The following PTPN21 variants were observed in gnomAD, a reference collection of about 807,000 sequenced individuals.
The protein encoded by PTPN21 is protein tyrosine phosphatase non-receptor type 21, also known as tyrosine-protein phosphatase non-receptor type 21.
A neutral mutation model predicts 131.8 loss-of-function variants in PTPN21; 77 were observed. The observed-to-expected ratio is 0.58, with a 90% CI of 0.49 to 0.71. The LOEUF is 0.71. PTPN21 is among the 30% of genes least tolerant of loss of function. The pLI, the probability that PTPN21 is intolerant of heterozygous loss-of-function variation, is 0.00. For missense variants in PTPN21, 1,552 were observed against 1,527.1 expected (o/e 1.02, Z -0.27); for synonymous variants, 715 against 621.3 (o/e 1.15, Z -2.24).
At chr14:88,531,015 C>A (rs1399417678) in intron 2 of PTPN21, among the ~76,000 whole-genome samples, 1 of 152,050 alleles carries the variant, frequency 6.6e-6, no homozygotes, top group African/African-American at 2.4e-5. Context: ...GGAACATTCT[C>A]CAAGATAGAC....
chr14:88,527,242 A>G (rs1469500802), intron 2 of PTPN21, among the ~76,000 whole-genome samples: 1 of 152,184 alleles, frequency 6.6e-6, no homozygotes, highest in Non-Finnish European at 1.5e-5. Context: ...ATTGTTTTCC[A>G]TAGTGGTTGT....
intron 5 of PTPN21, 39 bp from the exon 6 acceptor site, chr14:88,504,534 C>T: frequency 6.6e-7 from 1 of 1,520,782 alleles, no homozygotes; most frequent in Non-Finnish European, 9.1e-7. Flanking sequence ...TGACAATTCA[C>T]CCCAATTTCT....
chr14:88,505,753 C>T (rs1478301383), intron 4 of PTPN21, among the ~76,000 whole-genome samples: 3 of 152,018 alleles, frequency 2.0e-5, no homozygotes, highest in African/African-American at 7.3e-5. Context: ...ACTTAGACCA[C>T]TTGAATATAT....
intron 10 of PTPN21, among the ~76,000 whole-genome samples, chr14:88,490,153 C>T (rs1291725772): frequency 3.3e-5 from 5 of 151,934 alleles, no homozygotes; most frequent in Admixed American, 1.3e-4. Context: ...GGATTATAGG[C>T]GCCCGCCACC....
chr14:88,547,191 TATAAAA>T (rs900757715), intron 2 of PTPN21, among the ~76,000 whole-genome samples: 7 of 151,686 alleles, frequency 4.6e-5, no homozygotes, highest in African/African-American at 1.7e-4. Context: ...CCACACCTGG[TATAAAA>T]ATAAATAAAC....
chr14:88,488,064 A>G (rs927609722), intron 10 of PTPN21, among the ~76,000 whole-genome samples: 2 of 151,816 alleles, frequency 1.3e-5, no homozygotes, highest in Non-Finnish European at 2.9e-5. Flanking sequence ...CATTGTCAGG[A>G]CTAGGTTTAG....
At chr14:88,510,832 T>A (rs1473509665) in intron 3 of PTPN21, among the ~76,000 whole-genome samples, 4 of 152,224 alleles carry the variant, frequency 2.6e-5, no homozygotes, top group Non-Finnish European at 5.9e-5. Context: ...TTATTATATG[T>A]TATTGTATTA....
At chr14:88,546,280 G>C (rs566028670) in intron 2 of PTPN21, among the ~76,000 whole-genome samples, 1 of 151,250 alleles carries the variant, frequency 6.6e-6, no homozygotes, top group Non-Finnish European at 1.5e-5. Context: ...TTATAGGCCC[G>C]GGCACGTTGG....
chr14:88,482,638 G>A (rs1006439410), intron 12 of PTPN21, among the ~76,000 whole-genome samples: 2 of 151,240 alleles, frequency 1.3e-5, no homozygotes, highest in Admixed American at 6.6e-5. Context: ...GAAAAGAAAA[G>A]AAATGTTAAA....
At chr14:88,554,151 G>T (rs1386520863) in intron 1 of PTPN21, among the ~76,000 whole-genome samples, 2 of 152,178 alleles carry the variant, frequency 1.3e-5, no homozygotes, top group East Asian at 1.9e-4. Flanking sequence ...CAGCAAAAAA[G>T]AAAATAGGAC....
chr14:88,554,545 G>C (rs1333291223), intron 1 of PTPN21, 106 bp downstream of exon 1: 7 of 151,700 alleles, frequency 4.6e-5, no homozygotes, highest in Admixed American at 3.9e-4. Flanking sequence ...CCCATTCTCC[G>C]GGATTCCGGG....
At position 88,479,727 on chromosome 14, in the gene PTPN21, G is replaced by A. The variant is rs537172438; in HGVS notation, c.1704C>T (p.Pro568=). ...MRTQVYRPPP[P]YPPPRPANST... The stretch of plus-strand genomic sequence containing the variant: ...TGTTGGCGGGCCTGGGGGGCGGGTA[G>A]GGTGGGGGTGGCCGGTACACCTGCG... Residue 568 remains proline (P), a synonymous_variant, in exon 13 of 19, where the codon CCC becomes CCT. Transcript: ENST00000556564. The A allele has an allele frequency of 1.3e-6, 2 of 1,520,158 alleles. No homozygotes were observed. Among genetic ancestry groups the A allele is most frequent in the Non-Finnish European group, 1.7e-6 (2 of 1,144,038 alleles). 94.2% of individuals were successfully genotyped at this position (1,520,158 alleles called of 1,614,324 possible). A position where few individuals can be genotyped will look rare whatever the true frequency, so the allele number is the denominator to read the frequency against.
rs114153203 is a variant in PTPN21, at chr14:88,551,935, G to A, written c.-202-1316C>T. The A allele has an allele frequency of 5.7e-3, 870 of 152,376 alleles. 6 individuals carry two copies. Among genetic ancestry groups the A allele is most frequent in the African/African-American group, 0.019 (784 of 41,560 alleles). 9.4% of individuals were successfully genotyped at this position (152,376 alleles called of 1,614,324 possible). A position where few individuals can be genotyped will look rare whatever the true frequency, so the allele number is the denominator to read the frequency against. ...CTGGATTAGTTTTTTCCCCCTAAACGAGTCTACAAAATCCCGGACATTTCC... is the reference window on the plus strand; with the variant it reads ...CTGGATTAGTTTTTTCCCCCTAAACAAGTCTACAAAATCCCGGACATTTCC... On this transcript the variant is annotated intron_variant, in intron 1 of 18. Transcript: ENST00000556564.
In PTPN21 at chr14:88,469,486, TAA is replaced by T. The variant is rs2077421173; in HGVS notation, c.3235+11_3235+12del. 1 of 1,594,704 alleles carries T rather than the reference TAA, an allele frequency of 6.3e-7. No homozygotes were observed. The highest frequency in any genetic ancestry group is 8.6e-7 in the Non-Finnish European group (1 of 1,162,520). ...GAGGCAGCTGTCCTCGGAACAAAGT[TAA>T]AGTCACTCACATAAAAATCCCTTGA... On this transcript the variant is annotated intron_variant, in intron 17 of 18. Coordinates refer to ENST00000556564, the MANE Select transcript of PTPN21 (RefSeq NM_007039.4). This position sits in a 1 kb window ranked among gnomAD's most constrained non-coding sequence, Gnocchi z 4.3.
At chr14:88,542,025 G>C (rs1320026516) in intron 2 of PTPN21, among the ~76,000 whole-genome samples, 2 of 152,268 alleles carry the variant, frequency 1.3e-5, no homozygotes, top group East Asian at 3.9e-4. Flanking sequence ...GTTTGCATCA[G>C]ATCTCAAAGG....
chr14:88,505,206 G>C, intron 5 of PTPN21, 98 bp downstream of exon 5: 1 of 996,180 alleles, frequency 1.0e-6, no homozygotes, highest in Non-Finnish European at 1.5e-6. Flanking sequence ...TCCTATTCCT[G>C]ACAGTAAGTC....
In PTPN21 at chr14:88,550,464, C is replaced by A; in HGVS notation, c.-47G>T. 6.4e-7 allele frequency: 1 copy of A among 1,559,598 alleles called. No homozygotes were observed. The highest frequency in any genetic ancestry group is 1.4e-5 in the African/African-American group (1 of 73,874). On this transcript the variant is annotated 5_prime_UTR_variant, in exon 2 of 19. Transcript: ENST00000556564. ...GAGGAGCAAAGAGGGAAAAGCTACC[C>A]CCACCAACCCAGCGCTGGTGACGCC...
intron 8 of PTPN21, among the ~76,000 whole-genome samples, chr14:88,500,469 G>C (rs182783325): frequency 8.5e-5 from 13 of 152,200 alleles, no homozygotes; most frequent in Non-Finnish European, 2.9e-5. Context: ...TTGGAAACCA[G>C]AGCTCAAATT....
At chr14:88,547,834 G>C (rs1179224267) in intron 2 of PTPN21, among the ~76,000 whole-genome samples, 2 of 152,068 alleles carry the variant, frequency 1.3e-5, no homozygotes, top group African/African-American at 4.8e-5. Context: ...ACCATCTTCT[G>C]GCTTTAATGA....
Sources: allele counts gnomAD v4.1 joint callset (sites outside exome capture counted in the v4.1 genomes callset), GRCh38; gene constraint gnomAD v4.1.1; non-coding constraint Gnocchi (gnomAD v3.1); transcripts MANE v1.5; gene names NCBI Gene and HGNC (gene_info 2026-07-23, HGNC 2026-07-21).